The following RANBP2 variants were observed in gnomAD, a reference collection of about 807,000 sequenced individuals.
RANBP2 encodes the protein E3 SUMO-protein ligase RanBP2.
RANBP2 carries 57 observed loss-of-function variants against 303.6 expected under a neutral mutation model. The ratio of observed to expected loss-of-function variants is 0.19; its 90% CI spans 0.15 to 0.23. RANBP2 has a LOEUF of 0.23. Ranked by LOEUF, RANBP2 falls within the 10% of genes least tolerant of loss-of-function variation. RANBP2 has a pLI of 1.00. For synonymous variants in RANBP2, 1,167 were observed against 1,301.5 expected, an observed-to-expected ratio of 0.90 and a Z score of 2.23; for missense variants, 3,138 against 3,780.8, an observed-to-expected ratio of 0.83 and a Z score of 4.46.
chr2:109,407,152 G>A, the RANBP2 span, among the ~76,000 whole-genome samples: 3 of 151,418 alleles, frequency 2.0e-5, no homozygotes, highest in South Asian at 2.1e-4. Flanking sequence ...AGGCTGACTC[G>A]CCGTCCAGCC....
chr2:108,790,803 G>A (rs1679783909), downstream of RANBP2, among the ~76,000 whole-genome samples: 1 of 152,196 alleles, frequency 6.6e-6, no homozygotes, highest in Non-Finnish European at 1.5e-5. Context: ...CAGGCTGTGA[G>A]TGCAGTAGCA....
chr2:109,169,282 G>A, the RANBP2 span, among the ~76,000 whole-genome samples: 364 of 152,250 alleles, frequency 2.4e-3, 1 homozygote, highest in African/African-American at 8.0e-3. Flanking sequence ...GCTGAGAGGC[G>A]GGTATATTAT....
At chr2:108,870,361 T>TA in the RANBP2 span, among the ~76,000 whole-genome samples, 2 of 152,272 alleles carry the variant, frequency 1.3e-5, no homozygotes, top group Admixed American at 6.5e-5. Flanking sequence ...CTGAAGGACT[T>TA]ACGCAGTACC....
chr2:109,470,556 C>T, the RANBP2 span, among the ~76,000 whole-genome samples: 2 of 152,230 alleles, frequency 1.3e-5, no homozygotes, highest in South Asian at 4.1e-4. Context: ...CAAGCCCTGG[C>T]TCAGTACTCT....
At chr2:109,498,212 G>A in the RANBP2 span, among the ~76,000 whole-genome samples, 9 of 152,312 alleles carry the variant, frequency 5.9e-5, no homozygotes, top group African/African-American at 9.6e-5. Flanking sequence ...TAGCCCATGG[G>A]AACCAGTCCA....
the RANBP2 span, among the ~76,000 whole-genome samples, chr2:109,593,474 C>T: frequency 0.32 from 47,201 of 148,898 alleles, 7,653 homozygotes; most frequent in Admixed American, 0.42. Flanking sequence ...GGCATGATCT[C>T]GGCTCACTGC....
the RANBP2 span, among the ~76,000 whole-genome samples, chr2:109,462,406 A>G: frequency 6.6e-6 from 1 of 152,092 alleles, no homozygotes; most frequent in Admixed American, 6.6e-5. Flanking sequence ...CAACGAAACC[A>G]TACTGGTATG....
chr2:108,936,784 G>A, the RANBP2 span, among the ~76,000 whole-genome samples: 1 of 152,224 alleles, frequency 6.6e-6, no homozygotes, highest in Admixed American at 6.5e-5. Context: ...GGAGAGGGAT[G>A]CATTCTCTTT....
chr2:109,294,238 G>A, the RANBP2 span, among the ~76,000 whole-genome samples: 1 of 152,252 alleles, frequency 6.6e-6, no homozygotes, highest in South Asian at 2.1e-4. Flanking sequence ...GACATGGGGA[G>A]CTGCTCTGAA....
At chr2:108,855,194 C>T in the RANBP2 span, among the ~76,000 whole-genome samples, 1 of 151,994 alleles carries the variant, frequency 6.6e-6, no homozygotes, top group Non-Finnish European at 1.5e-5. Context: ...AAAATGAGGA[C>T]ATAATTTTGA....
the RANBP2 span, among the ~76,000 whole-genome samples, chr2:109,108,905 C>T: frequency 6.6e-6 from 1 of 151,764 alleles, no homozygotes; most frequent in Admixed American, 6.6e-5. Flanking sequence ...CTTGGAACTC[C>T]GGGAGGCTCA....
the RANBP2 span, among the ~76,000 whole-genome samples, chr2:109,697,034 T>A: frequency 6.6e-6 from 1 of 152,184 alleles, no homozygotes; most frequent in African/African-American, 2.4e-5. Context: ...TGCCTTGGCC[T>A]TCCAAAGTAC....
the RANBP2 span, chr2:108,912,686 G>C: frequency 6.3e-7 from 1 of 1,593,276 alleles, no homozygotes; most frequent in South Asian, 1.2e-5. Context: ...ACCTTTGTGG[G>C]CGTGCTGGAA....
At chr2:109,055,235 A>G in the RANBP2 span, among the ~76,000 whole-genome samples, 1 of 152,178 alleles carries the variant, frequency 6.6e-6, no homozygotes, top group Non-Finnish European at 1.5e-5. Flanking sequence ...CCCCTTTTAA[A>G]GAATTGGGTT....
At chr2:109,656,201 T>G in the RANBP2 span, among the ~76,000 whole-genome samples, 1 of 152,098 alleles carries the variant, frequency 6.6e-6, no homozygotes, top group Non-Finnish European at 1.5e-5. Flanking sequence ...CTTATCCCAA[T>G]CAGGCATGGC....
chr2:109,550,012 G>A, the RANBP2 span, among the ~76,000 whole-genome samples: 14 of 151,996 alleles, frequency 9.2e-5, no homozygotes, highest in African/African-American at 2.7e-4. Flanking sequence ...ACACATTCTC[G>A]TACTCAAAGA....
At chr2:109,231,561 A>G in the RANBP2 span, among the ~76,000 whole-genome samples, 1 of 152,144 alleles carries the variant, frequency 6.6e-6, no homozygotes, top group African/African-American at 2.4e-5. Context: ...TTTTTGCTGT[A>G]TTTCTTTATT....
intron 17 of RANBP2, among the ~76,000 whole-genome samples, chr2:108,756,028 A>T (rs1224033080): frequency 6.6e-6 from 1 of 152,150 alleles, no homozygotes; most frequent in East Asian, 1.9e-4. Context: ...CCAGCCCTTT[A>T]CCGTATTTTT....
At chr2:109,533,032 G>C in the RANBP2 span, among the ~76,000 whole-genome samples, 1 of 151,846 alleles carries the variant, frequency 6.6e-6, no homozygotes, top group Non-Finnish European at 1.5e-5. Flanking sequence ...TCACACTCTA[G>C]AGACCACCCT....
Sources: allele counts gnomAD v4.1 joint callset (sites outside exome capture counted in the v4.1 genomes callset), GRCh38; gene constraint gnomAD v4.1.1; transcripts MANE v1.5; gene names NCBI Gene and HGNC (gene_info 2026-07-23, HGNC 2026-07-21).